The following TPGS2 variants were observed in gnomAD, a reference collection of about 807,000 sequenced individuals.
The protein encoded by TPGS2 is tubulin polyglutamylase complex subunit 2, also known as polyglutamylase subunit 2.
A neutral mutation model predicts 31.1 loss-of-function variants in TPGS2; 26 were observed. The observed-to-expected ratio is 0.84, with a 90% CI of 0.61 to 1.16. TPGS2 has a LOEUF of 1.16. Ranked by LOEUF, TPGS2 falls within the 50% of genes most tolerant of loss-of-function variation. TPGS2 has a pLI of 0.00. For missense variants in TPGS2, 351 were observed against 363.8 expected, an observed-to-expected ratio of 0.96 and a Z score of 0.29; for synonymous variants, 130 against 136.6, an observed-to-expected ratio of 0.95 and a Z score of 0.34.
At chr18:36,784,793 C>G (rs1315080943) in intron 6 of TPGS2, among the ~76,000 whole-genome samples, 1 of 152,164 alleles carries the variant, frequency 6.6e-6, no homozygotes, top group Non-Finnish European at 1.5e-5. Context: ...TATATACTGG[C>G]TTGTCTCACT....
rs2046340814 is a variant in TPGS2, at chr18:36,828,988, T to C, written c.-221A>G. ...TGCCCCACACCGCACCTCCGGGACG[T>C]AGCTTCCCCTTCGCCCCCACCCTCT... On this transcript the variant is annotated 5_prime_UTR_variant, in exon 1 of 7. Transcript: ENST00000334295. 3 of 1,083,446 alleles carry C rather than the reference T, an allele frequency of 2.8e-6. No homozygotes were observed. The highest frequency in any genetic ancestry group is 3.0e-5 in the East Asian group (1 of 33,614). The allele number at this position is 1,083,446 out of a possible 1,614,324, so 67.1% of individuals were successfully genotyped here.
At chr18:36,805,653 A>C in intron 3 of TPGS2, 151 bp from the exon 4 acceptor site, 1 of 1,112,840 alleles carries the variant, frequency 9.0e-7, no homozygotes, top group Non-Finnish European at 1.3e-6. Context: ...AGGATTACTC[A>C]CTGCATATTC....
At chr18:36,792,478 C>G (rs904080357), downstream of TPGS2, among the ~76,000 whole-genome samples, 1 of 152,070 alleles carries the variant, frequency 6.6e-6, no homozygotes, top group African/African-American at 2.4e-5. Flanking sequence ...CTTGGTCCTT[C>G]TATTCTAGTC....
intron 1 of TPGS2, among the ~76,000 whole-genome samples, chr18:36,822,976 T>C (rs2045959135): frequency 6.6e-6 from 1 of 152,260 alleles, no homozygotes; most frequent in African/African-American, 2.4e-5. Context: ...ACATGTGCTA[T>C]ATTACACTTG....
intron 2 of TPGS2, 184 bp downstream of exon 2, chr18:36,818,710 G>T: frequency 3.8e-6 from 2 of 528,420 alleles, no homozygotes; most frequent in Non-Finnish European, 3.4e-6. Flanking sequence ...CTCCATGCTG[G>T]GTAAGTGGCA....
At chr18:36,828,607 T>A in intron 1 of TPGS2, 76 bp downstream of exon 1, 1 of 1,528,810 alleles carries the variant, frequency 6.5e-7, no homozygotes, top group South Asian at 1.1e-5. Flanking sequence ...GTCGCACCGC[T>A]CACCCCGCAC....
rs2045775609 is a variant in TPGS2 at position 36,818,876 on chromosome 18, T to C, written c.165+18A>G. The C allele has an allele frequency of 6.2e-7, 1 of 1,607,434 alleles. No homozygotes were observed. The highest frequency in any genetic ancestry group is 1.3e-5 in the African/African-American group (1 of 74,822). ...ACCTCTCTTTGATGGGAGGTAGAGT[T>C]CATGTGGCAACACTTACTTGTTCCC... On this transcript the variant is annotated intron_variant, in intron 2 of 6. Coordinates refer to ENST00000334295, the MANE Select transcript of TPGS2 (RefSeq NM_015476.4).
At position 36,828,806 on chromosome 18, in the gene TPGS2, G is replaced by T; in HGVS notation, c.-39C>A. ...GATTCGCGCGCGGCGGGAGCGGGTG[G>T]AGGGCCGGACCCCGCCTCAGCGCCG... On this transcript the variant is annotated 5_prime_UTR_variant, in exon 1 of 7. Transcript: ENST00000334295. 6.2e-7 allele frequency: 1 copy of T among 1,606,448 alleles called. No individual in the cohort carries two copies.
intron 1 of TPGS2, among the ~76,000 whole-genome samples, chr18:36,825,324 C>T (rs746310363): frequency 1.4e-4 from 21 of 150,396 alleles, no homozygotes; most frequent in Admixed American, 3.3e-4. Flanking sequence ...CCCAGCTGCC[C>T]GGGAGGATGA....
intron 1 of TPGS2, among the ~76,000 whole-genome samples, chr18:36,824,662 G>T (rs1163380210): frequency 1.3e-5 from 2 of 152,082 alleles, no homozygotes; most frequent in African/African-American, 2.4e-5. Flanking sequence ...GGCCATTTGT[G>T]TATCTCTGGA....
intron 6 of TPGS2, chr18:36,786,481 T>G (rs2044131559): frequency 6.2e-6 from 1 of 160,486 alleles, no homozygotes; most frequent in African/African-American, 2.4e-5. Flanking sequence ...CCTCCCAAAG[T>G]GCTGCGATTA....
downstream of TPGS2, among the ~76,000 whole-genome samples, chr18:36,792,398 A>G (rs974384477): frequency 3.3e-5 from 5 of 152,234 alleles, no homozygotes; most frequent in Non-Finnish European, 5.9e-5. Flanking sequence ...TATCTTTGTA[A>G]ATGTTAAAAA....
chr18:36,807,802 A>G (rs2045230951), intron 3 of TPGS2, 45 bp downstream of exon 3: 2 of 1,586,780 alleles, frequency 1.3e-6, no homozygotes, highest in Non-Finnish European at 1.7e-6. Flanking sequence ...GTCCCATTCA[A>G]TCTCTCAGCC....
intron 2 of TPGS2, among the ~76,000 whole-genome samples, chr18:36,810,037 T>C (rs2045346836): frequency 6.6e-6 from 1 of 152,194 alleles, no homozygotes; most frequent in South Asian, 2.1e-4. Flanking sequence ...ACATTTCAAA[T>C]ACTAATATAC....
chr18:36,797,015 G>A lies in TPGS2; in HGVS notation c.693C>T (p.Asn231=). The A allele has an allele frequency of 6.3e-7, 1 of 1,599,048 alleles. No homozygotes were observed. The highest frequency in any genetic ancestry group is 8.5e-7 in the Non-Finnish European group (1 of 1,175,866). ...CGGTCTCTTCTGTGAGCAGGTTTGT[G>A]TTGTAGGTGATAGGTTTATACATGC... ...WFSMYKPITY[N]TNLLTEETDS... Residue 231 remains asparagine, a synonymous_variant, in exon 7 of 7, where the codon AAC becomes AAT. Coordinates refer to ENST00000334295, the MANE Select transcript of TPGS2 (RefSeq NM_015476.4).
At chr18:36,800,939 C>T (rs988407592) in intron 4 of TPGS2, among the ~76,000 whole-genome samples, 2 of 152,222 alleles carry the variant, frequency 1.3e-5, no homozygotes, top group Admixed American at 1.3e-4. Flanking sequence ...ATCTGCCCAT[C>T]TTGGCCTCCC....
chr18:36,794,131 GT>G lies in TPGS2; in HGVS notation c.*2673del. The G allele has an allele frequency of 3.2e-6, 1 of 316,462 alleles. No homozygotes were observed. The highest frequency in any genetic ancestry group is 4.6e-6 in the Non-Finnish European group (1 of 218,312). The allele number at this position is 316,462 out of a possible 1,614,324, so 19.6% of individuals were successfully genotyped here. A position where few individuals can be genotyped will look rare whatever the true frequency, so the allele number is the denominator to read the frequency against. On this transcript the variant is annotated 3_prime_UTR_variant, in exon 7 of 7. Transcript: ENST00000334295. ...TAGGAATTTAACATTTAAGTTTTTA[GT>G]TAGAACAGCATTAAGTAGCAAATAA...
At chr18:36,784,796 G>C (rs920207782) in intron 6 of TPGS2, among the ~76,000 whole-genome samples, 1 of 152,144 alleles carries the variant, frequency 6.6e-6, no homozygotes, top group African/African-American at 2.4e-5. Context: ...ATACTGGCTT[G>C]TCTCACTAGT....
chr18:36,797,905 A>T, intron 6 of TPGS2: 1 of 156,532 alleles, frequency 6.4e-6, no homozygotes. Context: ...AGTGCCCTAA[A>T]TGTACTGAAA....
Sources: allele counts gnomAD v4.1 joint callset (sites outside exome capture counted in the v4.1 genomes callset), GRCh38; gene constraint gnomAD v4.1.1; transcripts MANE v1.5; gene names NCBI Gene and HGNC (gene_info 2026-07-23, HGNC 2026-07-21).